The following CCDC18 variants were observed in gnomAD, a reference collection of about 807,000 sequenced individuals.
CCDC18 encodes coiled-coil domain containing 18, also known as coiled-coil domain-containing protein 18.
CCDC18 carries 157 observed loss-of-function variants against 196.0 expected under a neutral mutation model. The observed-to-expected ratio is 0.80, with a 90% confidence interval of 0.70 to 0.91. The LOEUF (loss-of-function observed/expected upper bound fraction) is 0.91. Among genes scored for constraint, CCDC18 ranks in the 40% least tolerant of loss-of-function variants. CCDC18 has a pLI of 0.00. For synonymous variants in CCDC18, 482 were observed against 529.2 expected, an observed-to-expected ratio of 0.91 and a Z score of 1.22; for missense variants, 1,465 against 1,611.6, an observed-to-expected ratio of 0.91 and a Z score of 1.56.
intron 1 of CCDC18, among the ~76,000 whole-genome samples, chr1:93,182,571 G>A (rs924411947): frequency 1.3e-5 from 2 of 152,156 alleles, no homozygotes; most frequent in African/African-American, 4.8e-5. Flanking sequence ...GTTTTTTATT[G>A]TATTAATTAC....
chr1:93,199,422 G>T (rs1189400844), intron 6 of CCDC18, among the ~76,000 whole-genome samples: 2 of 151,992 alleles, frequency 1.3e-5, no homozygotes, highest in African/African-American at 2.4e-5. Flanking sequence ...TGACACCAGG[G>T]AACGGGGTGG....
At position 93,246,092 on chromosome 1, in the gene CCDC18, T is replaced by C; in HGVS notation, c.2982-13T>C. The C allele has an allele frequency of 6.4e-7, 1 of 1,551,950 alleles. No individual in the cohort carries two copies. The highest frequency in any genetic ancestry group is 8.8e-7 in the Non-Finnish European group (1 of 1,142,582). ...ACTATCTGCTTTGATCTTTTTCCTT[T>C]GATAAATTGTAGAGAATGCAAGATG... is the stretch of plus-strand genomic sequence containing the variant. On this transcript the variant is annotated splice_polypyrimidine_tract_variant and intron_variant, in intron 21 of 28. Transcript: ENST00000690025.
At chr1:93,200,051 C>T (rs1026253116) in intron 6 of CCDC18, 9 of 152,286 alleles carry the variant, frequency 5.9e-5, no homozygotes, top group African/African-American at 2.2e-4. Flanking sequence ...GTGTTGCGAT[C>T]ATGGCTCACT....
chr1:93,239,660 A>G lies in CCDC18; in HGVS notation c.2768-23A>G. The G allele has an allele frequency of 2.0e-6, 3 of 1,512,142 alleles. No individual in the cohort carries two copies. The South Asian group carries it at 3.6e-5, about 18-fold the overall frequency. The allele number at this position is 1,512,142 out of a possible 1,614,324, so 93.7% of individuals were successfully genotyped here. On this transcript the variant is annotated intron_variant, in intron 20 of 28. Transcript: ENST00000690025. ...AATAAATGGTTTACATATAGTTATA[A>G]AATTATTCTCTCCTCTTAATAGTAA...
intron 7 of CCDC18, 72 bp from the exon 8 acceptor site, chr1:93,205,438 A>G (rs1350816021): frequency 3.1e-6 from 4 of 1,290,016 alleles, no homozygotes; most frequent in Non-Finnish European, 4.3e-6. Context: ...TGAAATCACT[A>G]CTGACATTTT....
chr1:93,266,984 G>A (rs987807511), intron 27 of CCDC18, among the ~76,000 whole-genome samples: 11 of 151,920 alleles, frequency 7.2e-5, no homozygotes, highest in Admixed American at 2.6e-4. Context: ...TGGCAGAGAC[G>A]CAACAAAAAA....
chr1:93,189,918 C>T (rs917501445), intron 4 of CCDC18, among the ~76,000 whole-genome samples: 4 of 152,278 alleles, frequency 2.6e-5, no homozygotes, highest in Admixed American at 2.0e-4. Flanking sequence ...CCACCCACCT[C>T]CCAAAGTGCT....
intron 7 of CCDC18, among the ~76,000 whole-genome samples, chr1:93,203,930 TA>T (rs1654277081): frequency 6.6e-6 from 1 of 152,112 alleles, no homozygotes; most frequent in African/African-American, 2.4e-5. Context: ...GAGAGCAACT[TA>T]TTAAAGTAGA....
At chr1:93,265,276 G>A (rs1206366529) in intron 27 of CCDC18, among the ~76,000 whole-genome samples, 1 of 152,144 alleles carries the variant, frequency 6.6e-6, no homozygotes, top group Non-Finnish European at 1.5e-5. Context: ...GCCGAGGTGG[G>A]CAGATCACTT....
At chr1:93,261,997 A>T (rs1198042480) in intron 26 of CCDC18, among the ~76,000 whole-genome samples, 1 of 152,194 alleles carries the variant, frequency 6.6e-6, no homozygotes, top group Non-Finnish European at 1.5e-5. Context: ...AAAGCAAGGC[A>T]TGTCTTACAT....
At chr1:93,202,100 A>G in intron 7 of CCDC18, 112 bp downstream of exon 7, 1 of 533,638 alleles carries the variant, frequency 1.9e-6, no homozygotes, top group Middle Eastern at 4.9e-4. Flanking sequence ...AATTTTTATG[A>G]TCTTACAAAA....
intron 19 of CCDC18, among the ~76,000 whole-genome samples, chr1:93,238,924 G>A (rs2100819881): frequency 6.6e-6 from 1 of 152,276 alleles, no homozygotes; most frequent in South Asian, 2.1e-4. Context: ...TGGCTCTCCA[G>A]TGAGTAATAT....
At chr1:93,246,700 C>A in intron 22 of CCDC18, 138 bp from the exon 23 acceptor site, 1 of 496,352 alleles carries the variant, frequency 2.0e-6, no homozygotes, top group South Asian at 3.5e-5. Context: ...TATACTAAAG[C>A]AAAGAGCATT....
chr1:93,261,681 T>G (rs1663816360), intron 26 of CCDC18, among the ~76,000 whole-genome samples: 2 of 152,160 alleles, frequency 1.3e-5, no homozygotes, highest in Non-Finnish European at 2.9e-5. Flanking sequence ...CCAAACTCCC[T>G]TGAATGGAGT....
intron 14 of CCDC18, among the ~76,000 whole-genome samples, chr1:93,218,556 C>A (rs1258080114): frequency 6.6e-6 from 1 of 151,594 alleles, no homozygotes; most frequent in Non-Finnish European, 1.5e-5. Context: ...GTCGGCCAGG[C>A]TGGAGTGCAA....
Position 93,270,507 on chromosome 1 carries a change from CA to C in CCDC18, c.4050del (p.Lys1350AsnfsTer29). Reference sequence around the variant, plus strand: ...TTTCACACATCTTTTTCCAAGTGTACAAAATTACGTCGCTCTATTAGTGCCA... The same window carrying C: ...TTTCACACATCTTTTTCCAAGTGTACAAATTACGTCGCTCTATTAGTGCCA... ...KCFHTSFSKC[T>X]KLRRSISASD... is the part of the protein sequence containing the mutation. On this transcript the variant is annotated frameshift_variant, in exon 28 of 29. Coordinates refer to ENST00000690025, the MANE Select transcript of CCDC18 (RefSeq NM_001378204.1). LOFTEE classifies it high-confidence loss of function. The C allele has an allele frequency of 6.5e-7, 1 of 1,550,326 alleles. No homozygotes were observed. Among genetic ancestry groups the C allele is most frequent in the South Asian group, 1.2e-5 (1 of 84,056 alleles).
rs1654593027 is a variant in CCDC18, at chr1:93,205,639, A to T, written c.917+8A>T. 1.1e-5 allele frequency: 17 copies of T among 1,580,000 alleles called. No individual in the cohort carries two copies. Among genetic ancestry groups the T allele is most frequent in the Non-Finnish European group, 1.5e-5 (17 of 1,166,832 alleles). The stretch of plus-strand genomic sequence containing the variant: ...TCTGAAAGAGAAATTAAGGTACAGT[A>T]TTCTGTTGTAGAAAAAGGATTTTTG... On this transcript the variant is annotated splice_region_variant and intron_variant, in intron 8 of 28. Coordinates refer to ENST00000690025, the MANE Select transcript of CCDC18 (RefSeq NM_001378204.1).
chr1:93,236,820 A>T (rs1293752891), intron 19 of CCDC18, among the ~76,000 whole-genome samples: 3 of 152,190 alleles, frequency 2.0e-5, no homozygotes, highest in Non-Finnish European at 4.4e-5. Flanking sequence ...GCCTTGAGTG[A>T]ATATTAAAAT....
chr1:93,214,055 T>C (rs1314683027), intron 11 of CCDC18, among the ~76,000 whole-genome samples: 4 of 152,166 alleles, frequency 2.6e-5, no homozygotes, highest in Non-Finnish European at 5.9e-5. Flanking sequence ...TGTATGTTTA[T>C]AGTGGAGAAG....
Sources: gnomAD v4.1 joint callset for allele counts (sites outside exome capture counted in the v4.1 genomes callset) on GRCh38, gnomAD v4.1.1 for gene constraint, MANE v1.5 for transcripts, NCBI Gene and HGNC (gene_info 2026-07-23, HGNC 2026-07-21) for gene names.